Variants in TC2N observed in about 807,000 individuals in gnomAD.
TC2N encodes tandem C2 domains, nuclear, also known as tandem C2 domains nuclear protein.
Under a neutral mutation model 61.9 loss-of-function variants are expected in TC2N, and 51 were observed. That is an observed-to-expected ratio of 0.82 (90% CI 0.66 to 1.04). The LOEUF is 1.04. Ranked by LOEUF, TC2N falls within the 50% of genes least tolerant of loss-of-function variation. The probability of loss-of-function intolerance (pLI) is 0.00; values close to 1 mark genes in which losing one functional copy is unlikely to be tolerated. For synonymous variants in TC2N, 204 were observed against 192.6 expected (o/e 1.06, Z -0.49); for missense variants, 556 against 566.7 (o/e 0.98, Z 0.19).
chr14:91,798,208 C>A (rs1196346733), intron 7 of TC2N, 91 bp downstream of exon 7: 2 of 665,958 alleles, frequency 3.0e-6, no homozygotes, highest in Non-Finnish European at 5.1e-6. Context: ...GTGGCATTGG[C>A]CCATTCCCCA....
At position 91,797,843 on chromosome 14, in the gene TC2N, C is replaced by T; in HGVS notation, c.797G>A (p.Gly266Glu). ...CACTGGTTTGGGCAATGTAAGTATT[C>T]CTTTTATAGAAACAGTAGGAGTGTC... ...YGDTPTVSIK[G>E]ILTLPKPVHF... The change falls in exon 8 of 12, where the codon GGA becomes GAA. Residue 266 changes from glycine to glutamate, a missense_variant. Physicochemically the swap from Gly to Glu is moderately conservative, Grantham distance 98. Coordinates refer to ENST00000435962, the MANE Select transcript of TC2N (RefSeq NM_001128596.3). The T allele has an allele frequency of 1.2e-6, 2 of 1,611,342 alleles. No individual in the cohort carries two copies. The highest frequency in any genetic ancestry group is 1.7e-6 in the Non-Finnish European group (2 of 1,178,464).
intron 1 of TC2N, among the ~76,000 whole-genome samples, chr14:91,819,419 G>C (rs375732257): frequency 7.2e-5 from 11 of 151,994 alleles, no homozygotes; most frequent in African/African-American, 2.4e-4. Flanking sequence ...TTAATGTACT[G>C]AAAGAAAAAA....
rs780636738 is a variant in TC2N at position 91,813,766 on chromosome 14, C to A, written c.4G>T (p.Ala2Ser). The change falls in exon 2 of 12, where the codon GCA becomes TCA. Residue 2 changes from alanine to serine, a missense_variant. By Grantham distance (99) the Ala-to-Ser change is moderately conservative. Transcript: ENST00000435962. The part of the protein sequence containing the change: M[A>S]TEFIKSCCGG... ...CAGCAACTCTTTATAAATTCTGTTG[C>A]CATTACATTCAATTTCCAATATCCA... 1 of 1,606,108 alleles carries A rather than the reference C, an allele frequency of 6.2e-7. No homozygotes were observed. The highest frequency in any genetic ancestry group is 1.1e-5 in the South Asian group (1 of 90,530).
intron 1 of TC2N, among the ~76,000 whole-genome samples, chr14:91,858,082 C>A (rs779582877): frequency 1.7e-4 from 26 of 151,548 alleles, no homozygotes; most frequent in Non-Finnish European, 3.4e-4. Context: ...CCTCTCACTT[C>A]AACCTCTTGA....
At chr14:91,857,405 G>A (rs1414579659) in intron 1 of TC2N, among the ~76,000 whole-genome samples, 1 of 152,176 alleles carries the variant, frequency 6.6e-6, no homozygotes, top group Non-Finnish European at 1.5e-5. Flanking sequence ...CCAAGTCCCA[G>A]GAACCGTTTA....
At chr14:91,838,306 G>C (rs1457963152) in intron 1 of TC2N, among the ~76,000 whole-genome samples, 1 of 151,962 alleles carries the variant, frequency 6.6e-6, no homozygotes, top group Non-Finnish European at 1.5e-5. Flanking sequence ...ACCACGCCTG[G>C]CTAAATTTTT....
intron 1 of TC2N, among the ~76,000 whole-genome samples, chr14:91,841,322 T>C (rs952667834): frequency 1.3e-5 from 2 of 152,168 alleles, no homozygotes; most frequent in African/African-American, 4.8e-5. Flanking sequence ...CTGAAGCAAA[T>C]GACCCTGCAT....
chr14:91,818,031 A>G (rs550852812), intron 1 of TC2N, among the ~76,000 whole-genome samples: 2 of 152,290 alleles, frequency 1.3e-5, no homozygotes, highest in East Asian at 3.9e-4. Context: ...GAACTGAGAA[A>G]TAGGAACTAA....
At chr14:91,864,804 C>T (rs1467326493) in intron 1 of TC2N, among the ~76,000 whole-genome samples, 5 of 100,746 alleles carry the variant, frequency 5.0e-5, no homozygotes, top group Non-Finnish European at 7.5e-5. Flanking sequence ...TTTTTTGAGA[C>T]AGACTCTCGC....
At chr14:91,857,915 C>G (rs922234438) in intron 1 of TC2N, among the ~76,000 whole-genome samples, 64 of 152,236 alleles carry the variant, frequency 4.2e-4, no homozygotes, top group African/African-American at 1.5e-3. Context: ...GCTCAGTGCC[C>G]AGAACAGAGT....
intron 1 of TC2N, among the ~76,000 whole-genome samples, chr14:91,854,769 C>T (rs553018165): frequency 1.3e-5 from 2 of 152,230 alleles, no homozygotes; most frequent in East Asian, 3.9e-4. Flanking sequence ...TCCACTTCCA[C>T]AATCCATACC....
chr14:91,789,639 A>G (rs962952478), intron 9 of TC2N, among the ~76,000 whole-genome samples: 4 of 150,364 alleles, frequency 2.7e-5, no homozygotes, highest in African/African-American at 9.8e-5. Flanking sequence ...AAAAAAACAG[A>G]GCAGCATTTG....
intron 11 of TC2N, among the ~76,000 whole-genome samples, chr14:91,783,628 T>G (rs754840012): frequency 1.2e-4 from 18 of 152,122 alleles, no homozygotes; most frequent in Non-Finnish European, 2.2e-4. Context: ...GCATTTTAAA[T>G]CACCTTTTAC....
chr14:91,853,664 ACACACACAC>A (rs1888422060), intron 1 of TC2N, among the ~76,000 whole-genome samples: 2 of 147,566 alleles, frequency 1.4e-5, no homozygotes. Context: ...ACACACACAC[ACACACACAC>A]ACACACACAC....
chr14:91,839,419 A>T (rs1241896621), intron 1 of TC2N, among the ~76,000 whole-genome samples: 1 of 152,080 alleles, frequency 6.6e-6, no homozygotes, highest in East Asian at 1.9e-4. Flanking sequence ...ACCACAATCC[A>T]TCTGTATCTC....
At chr14:91,812,616 C>G in intron 2 of TC2N, 71 bp from the exon 3 acceptor site, 3 of 734,332 alleles carry the variant, frequency 4.1e-6, no homozygotes, top group Non-Finnish European at 6.7e-6. Flanking sequence ...ACCTAGCATA[C>G]TTTGATATTT....
intron 3 of TC2N, among the ~76,000 whole-genome samples, chr14:91,811,650 A>T (rs1051489170): frequency 9.2e-5 from 14 of 152,216 alleles, no homozygotes; most frequent in Admixed American, 7.9e-4. Context: ...AGAAATTAAT[A>T]AATAAGAAAC....
intron 1 of TC2N, among the ~76,000 whole-genome samples, chr14:91,866,965 C>T (rs527735531): frequency 5.9e-5 from 9 of 152,234 alleles, no homozygotes; most frequent in African/African-American, 2.2e-4. Context: ...TTTTTAGGCC[C>T]AAGTGTATTT....
rs767646723 is a variant in TC2N at position 91,798,382 on chromosome 14, C to T, written c.655G>A (p.Gly219Arg). 3.2e-6 allele frequency: 5 copies of T among 1,565,858 alleles called. No individual in the cohort carries two copies. In the African/African-American group the frequency reaches 5.5e-5, roughly 17 times the overall value. ...AGTCTCCCAAAGTCCCTTTCATCTC[C>T]TGATAGAGTAATTGTATCTGAATTA... ...NRSLDTITLS[G>R]DERDFGRLNV... Residue 219 changes from glycine to arginine, a missense_variant, in exon 7 of 12, where the codon GGA (glycine) becomes AGA (arginine). Transcript: ENST00000435962.
Sources: gnomAD v4.1 joint callset for allele counts (sites outside exome capture counted in the v4.1 genomes callset) on GRCh38, gnomAD v4.1.1 for gene constraint, MANE v1.5 for transcripts, NCBI Gene and HGNC (gene_info 2026-07-23, HGNC 2026-07-21) for gene names.